The following GLIS3 variants were observed in gnomAD, a reference collection of about 807,000 sequenced individuals.
The protein encoded by GLIS3 is zinc finger protein GLIS3.
A neutral mutation model predicts 78.6 loss-of-function variants in GLIS3; 53 were observed. That is an observed-to-expected ratio of 0.67 (90% CI 0.54 to 0.85). The LOEUF (loss-of-function observed/expected upper bound fraction) is 0.85, where lower values mean the gene tolerates loss of function less well. Among genes scored for constraint, GLIS3 ranks in the 40% least tolerant of loss-of-function variants. The pLI is 0.00. For missense variants in GLIS3, 1,703 were observed against 1,231.1 expected, an observed-to-expected ratio of 1.38 and a Z score of -5.74; for synonymous variants, 684 against 509.9, an observed-to-expected ratio of 1.34 and a Z score of -4.60.
intron 1 of GLIS3, among the ~76,000 whole-genome samples, chr9:4,288,352 A>G (rs895073275): frequency 1.3e-5 from 2 of 152,220 alleles, no homozygotes; most frequent in African/African-American, 4.8e-5. Flanking sequence ...CAAAAGAAAT[A>G]TGTCACATTG....
chr9:4,368,630 C>T, the GLIS3 span, among the ~76,000 whole-genome samples: 5 of 152,282 alleles, frequency 3.3e-5, no homozygotes, highest in East Asian at 5.8e-4. Flanking sequence ...GGATTACAGG[C>T]GTGAGCCACT....
At chr9:4,267,932 A>G (rs1015530205) in intron 2 of GLIS3, among the ~76,000 whole-genome samples, 1 of 142,530 alleles carries the variant, frequency 7.0e-6, no homozygotes, top group Non-Finnish European at 1.5e-5. Flanking sequence ...TAAAAAACAG[A>G]TTATAAAAAT....
intron 4 of GLIS3, among the ~76,000 whole-genome samples, chr9:3,961,038 C>T (rs1022978902): frequency 8.5e-5 from 13 of 152,124 alleles, no homozygotes; most frequent in East Asian, 3.9e-4. Context: ...AATTATTCCC[C>T]GGTTGCTATC....
At chr9:4,476,593 C>T in the GLIS3 span, among the ~76,000 whole-genome samples, 60 of 152,172 alleles carry the variant, frequency 3.9e-4, no homozygotes, top group African/African-American at 1.4e-3. Flanking sequence ...AACTCCTGAC[C>T]TCAGGTGATC....
intron 8 of GLIS3, among the ~76,000 whole-genome samples, chr9:3,859,348 G>T (rs910269811): frequency 7.7e-6 from 1 of 129,174 alleles, no homozygotes; most frequent in Non-Finnish European, 1.6e-5. Context: ...CTGTTTCTTC[G>T]AAACACACAC....
chr9:4,273,512 G>A (rs1039941683), intron 2 of GLIS3, among the ~76,000 whole-genome samples: 2 of 152,026 alleles, frequency 1.3e-5, no homozygotes, highest in Admixed American at 6.5e-5. Flanking sequence ...ATCATCACTT[G>A]AGCCCAGGAG....
chr9:4,017,489 C>G (rs1822534307), intron 4 of GLIS3, among the ~76,000 whole-genome samples: 1 of 152,106 alleles, frequency 6.6e-6, no homozygotes, highest in Non-Finnish European at 1.5e-5. Flanking sequence ...ATACAAATGT[C>G]ACATGAGGGA....
At chr9:4,159,313 T>G (rs10758559) in intron 2 of GLIS3, among the ~76,000 whole-genome samples, 76,613 of 152,090 alleles carry the variant, frequency 0.5, 20,891 homozygotes, top group East Asian at 0.83. Context: ...TGCCTTGTCT[T>G]GGCCCTTTCT....
chr9:3,923,132 A>G (rs775643343), intron 6 of GLIS3, among the ~76,000 whole-genome samples: 7 of 152,214 alleles, frequency 4.6e-5, no homozygotes, highest in Non-Finnish European at 8.8e-5. Flanking sequence ...ACTGTTGATT[A>G]ATGGAAATAT....
intron 4 of GLIS3, among the ~76,000 whole-genome samples, chr9:4,038,894 C>T (rs1272384163): frequency 6.6e-6 from 1 of 152,124 alleles, no homozygotes; most frequent in Non-Finnish European, 1.5e-5. Flanking sequence ...TAACTCTGAT[C>T]ACCTTTGCCC....
At chr9:3,953,904 G>A (rs1245996142) in intron 4 of GLIS3, among the ~76,000 whole-genome samples, 1 of 151,538 alleles carries the variant, frequency 6.6e-6, no homozygotes, top group Admixed American at 6.6e-5. Flanking sequence ...AAGTAAACAT[G>A]TGGCTTTATG....
At chr9:4,404,472 A>G in the GLIS3 span, among the ~76,000 whole-genome samples, 1 of 152,214 alleles carries the variant, frequency 6.6e-6, no homozygotes, top group African/African-American at 2.4e-5. Flanking sequence ...GTTAGCTCAC[A>G]GAACAAGTCT....
chr9:4,299,084 C>T (rs1265711344), intron 1 of GLIS3, among the ~76,000 whole-genome samples: 1 of 152,158 alleles, frequency 6.6e-6, no homozygotes, highest in Non-Finnish European at 1.5e-5. Flanking sequence ...GCCCGCTCTA[C>T]TTGAAATGAA....
At chr9:4,457,186 G>A in the GLIS3 span, among the ~76,000 whole-genome samples, 7 of 151,868 alleles carry the variant, frequency 4.6e-5, no homozygotes, top group African/African-American at 1.7e-4. Flanking sequence ...AATATAGTGA[G>A]ACCCTGTCTC....
At position 3,937,061 on chromosome 9, in the gene GLIS3, G is replaced by A. The variant is rs777993127; in HGVS notation, c.1839C>T (p.Asp613=). ...GATGCGTCCGCTGGTGTTTGGCGCG[G>A]TCACTGGAGTTACTGAAGGCCTTCT... ...GCQKAFSNSS[D]RAKHQRTHLD... Residue 613 remains aspartate (D), a synonymous_variant, in exon 5 of 11, where the codon GAC becomes GAT. Coordinates refer to ENST00000381971, the MANE Select transcript of GLIS3 (RefSeq NM_001042413.2). 6 of 1,613,346 alleles carry A rather than the reference G, an allele frequency of 3.7e-6. No homozygotes were observed. The highest frequency in any genetic ancestry group is 1.3e-5 in the African/African-American group (1 of 74,914).
At chr9:4,216,269 G>A (rs1218773333) in intron 2 of GLIS3, among the ~76,000 whole-genome samples, 2 of 151,828 alleles carry the variant, frequency 1.3e-5, no homozygotes, top group South Asian at 2.1e-4. Context: ...TCAGGAAATC[G>A]AGACCATCCT....
intron 4 of GLIS3, among the ~76,000 whole-genome samples, chr9:4,015,794 C>A (rs1408117735): frequency 1.4e-5 from 2 of 145,682 alleles, no homozygotes; most frequent in African/African-American, 5.2e-5. Flanking sequence ...GAGGCTGAGG[C>A]AGGAGAACTG....
chr9:4,477,002 G>A, the GLIS3 span, among the ~76,000 whole-genome samples: 6 of 151,986 alleles, frequency 3.9e-5, no homozygotes, highest in Non-Finnish European at 8.8e-5. Flanking sequence ...AAAACAGTAC[G>A]GCAGTTCCTC....
At chr9:4,088,370 A>C (rs546956626) in intron 4 of GLIS3, among the ~76,000 whole-genome samples, 63 of 152,382 alleles carry the variant, frequency 4.1e-4, no homozygotes, top group Non-Finnish European at 7.9e-4. Flanking sequence ...CCAATAATTA[A>C]AGAAGAGAGA....
Sources: gnomAD v4.1 joint callset for allele counts (sites outside exome capture counted in the v4.1 genomes callset) on GRCh38, gnomAD v4.1.1 for gene constraint, MANE v1.5 for transcripts, NCBI Gene and HGNC (gene_info 2026-07-23, HGNC 2026-07-21) for gene names.